Variants in STAU2 observed in about 807,000 individuals in gnomAD.
The protein encoded by STAU2 is staufen double-stranded RNA binding protein 2.
A neutral mutation model predicts 65.9 loss-of-function variants in STAU2; 20 were observed. That is an observed-to-expected ratio of 0.30 (90% CI 0.21 to 0.44). The LOEUF (loss-of-function observed/expected upper bound fraction) is 0.44. Ranked by LOEUF, STAU2 falls within the 20% of genes least tolerant of loss-of-function variation. The probability of loss-of-function intolerance (pLI) is 1.00; values close to 1 mark genes in which losing one functional copy is unlikely to be tolerated. For synonymous variants in STAU2, 232 were observed against 233.9 expected (o/e 0.99, Z 0.07); for missense variants, 558 against 683.9 (o/e 0.82, Z 2.05).
intron 13 of STAU2, among the ~76,000 whole-genome samples, chr8:73,443,291 C>T (rs1034670782): frequency 2.0e-5 from 3 of 152,092 alleles, no homozygotes; most frequent in East Asian, 1.9e-4. Flanking sequence ...TGCTGGAAGT[C>T]GGAGGGAGAA....
At chr8:73,433,026 T>C (rs762710711) in intron 13 of STAU2, among the ~76,000 whole-genome samples, 10 of 152,164 alleles carry the variant, frequency 6.6e-5, no homozygotes, top group South Asian at 2.1e-4. Flanking sequence ...AGAAGGATGA[T>C]GGTGTAGCTG....
intron 6 of STAU2, chr8:73,651,222 T>C (rs1815847744): frequency 3.8e-6 from 3 of 799,314 alleles, no homozygotes; most frequent in Non-Finnish European, 6.1e-6. Context: ...GGTCCTCAAA[T>C]CTGCCTCCGC....
chr8:73,650,181 T>C (rs1031586762), intron 6 of STAU2, among the ~76,000 whole-genome samples: 2 of 151,996 alleles, frequency 1.3e-5, no homozygotes, highest in Admixed American at 1.3e-4. Flanking sequence ...AGCTGCTCTA[T>C]GATGAGCTTT....
chr8:73,608,423 A>G (rs924551218), intron 9 of STAU2, among the ~76,000 whole-genome samples: 1 of 151,882 alleles, frequency 6.6e-6, no homozygotes, highest in African/African-American at 2.4e-5. Context: ...CCTGACCAAC[A>G]TGGTGAAAGC....
At chr8:73,555,637 A>G (rs1807693514) in intron 12 of STAU2, among the ~76,000 whole-genome samples, 1 of 150,878 alleles carries the variant, frequency 6.6e-6, no homozygotes, top group Admixed American at 6.7e-5. Flanking sequence ...CTAATACAAT[A>G]TAATAACTAT....
In STAU2 at chr8:73,698,509, C is replaced by T. The variant is rs1450899052; in HGVS notation, c.115-9696G>A. 3.3e-5 allele frequency among the ~76,000 whole-genome samples: 5 copies of T among 151,974 alleles called. No homozygotes were observed. The East Asian group carries it at 7.7e-4, about 23-fold the overall frequency. ...AGAGCAGACACAGCTATACTCATAT[C>T]AGAAAAAGTAGTATAGATTTCAAGA... On this transcript the variant is annotated intron_variant, in intron 4 of 14. Transcript: ENST00000524300.
intron 6 of STAU2, among the ~76,000 whole-genome samples, chr8:73,636,526 A>C (rs1814526694): frequency 6.6e-6 from 1 of 152,130 alleles, no homozygotes; most frequent in South Asian, 2.1e-4. Context: ...GAGAAAAAAA[A>C]CTGTAAGCAG....
intron 3 of STAU2, among the ~76,000 whole-genome samples, chr8:73,732,365 T>C (rs745868918): frequency 2.0e-5 from 3 of 152,246 alleles, no homozygotes; most frequent in African/African-American, 4.8e-5. Context: ...TCACTTCTGT[T>C]ACATTCTATT....
chr8:73,519,964 T>G (rs1030846893), intron 13 of STAU2, among the ~76,000 whole-genome samples: 12 of 152,116 alleles, frequency 7.9e-5, no homozygotes, highest in Admixed American at 3.3e-4. Flanking sequence ...TCTCTCTTGG[T>G]TTGGGGAAGG....
At chr8:73,723,359 C>A (rs543725592) in intron 3 of STAU2, among the ~76,000 whole-genome samples, 2 of 152,282 alleles carry the variant, frequency 1.3e-5, no homozygotes, top group Non-Finnish European at 2.9e-5. Context: ...TATTTGAGGA[C>A]CTGCTATACC....
intron 1 of STAU2, among the ~76,000 whole-genome samples, chr8:73,741,808 C>T (rs1806904922): frequency 1.3e-5 from 2 of 152,164 alleles, no homozygotes; most frequent in African/African-American, 4.8e-5. Flanking sequence ...CCACCACGCC[C>T]GGCCCGAAAC....
At chr8:73,683,309 C>T (rs573893195) in intron 5 of STAU2, among the ~76,000 whole-genome samples, 4 of 152,238 alleles carry the variant, frequency 2.6e-5, no homozygotes, top group South Asian at 2.1e-4. Context: ...GATAGTTTAA[C>T]GTCCACAAGT....
At chr8:73,474,751 T>C (rs1439979421) in intron 13 of STAU2, among the ~76,000 whole-genome samples, 2 of 152,206 alleles carry the variant, frequency 1.3e-5, no homozygotes, top group African/African-American at 2.4e-5. Flanking sequence ...ACAAGTAGCC[T>C]ATATGCCAAA....
intron 13 of STAU2, among the ~76,000 whole-genome samples, chr8:73,448,967 G>T (rs1818637930): frequency 1.3e-5 from 2 of 152,370 alleles, no homozygotes; most frequent in Non-Finnish European, 2.9e-5. Flanking sequence ...CCCGGCTGGG[G>T]CTGGGAAGAC....
chr8:73,484,719 G>A (rs998704913), intron 13 of STAU2, among the ~76,000 whole-genome samples: 1 of 151,992 alleles, frequency 6.6e-6, no homozygotes, highest in Non-Finnish European at 1.5e-5. Flanking sequence ...TAGAAGAAAT[G>A]ACCAGCCTGT....
chr8:73,623,773 C>G (rs1363730526), intron 6 of STAU2, among the ~76,000 whole-genome samples: 1 of 152,120 alleles, frequency 6.6e-6, no homozygotes, highest in Non-Finnish European at 1.5e-5. Context: ...TAAAATAGTC[C>G]TTGGCACATT....
Position 73,615,831 on chromosome 8 carries a change from CTTTACT to C in STAU2, c.571-55_571-50del, listed in dbSNP as rs568539981. On this transcript the variant is annotated intron_variant, in intron 7 of 14. Coordinates refer to ENST00000524300, the MANE Select transcript of STAU2 (RefSeq NM_001164380.2). ...CACTGAATCTTGACATTATAACAAA[CTTTACT>C]TTTATTCTACAGTCAAGATGGCCTA... 4.8e-5 allele frequency: 68 copies of C among 1,414,272 alleles called. No homozygotes were observed. The East Asian group carries it at 1.5e-3, about 30-fold the overall frequency. 87.6% of individuals were successfully genotyped at this position (1,414,272 alleles called of 1,614,324 possible). A position where few individuals can be genotyped will look rare whatever the true frequency, so the allele number is the denominator to read the frequency against.
At chr8:73,684,228 C>T (rs1586264563) in intron 5 of STAU2, among the ~76,000 whole-genome samples, 1 of 152,070 alleles carries the variant, frequency 6.6e-6, no homozygotes, top group East Asian at 1.9e-4. Context: ...GCTATAGTCT[C>T]CAAAACAGCA....
intron 13 of STAU2, chr8:73,549,681 C>T (rs1132134): frequency 0.021 from 21,114 of 985,256 alleles, 1,261 homozygotes; most frequent in African/African-American, 0.2. Context: ...AGGCTTAAAT[C>T]AAATTGCAAT....
Sources: allele counts gnomAD v4.1 joint callset (sites outside exome capture counted in the v4.1 genomes callset), GRCh38; gene constraint gnomAD v4.1.1; transcripts MANE v1.5; gene names NCBI Gene and HGNC (gene_info 2026-07-23, HGNC 2026-07-21).